The following OPCML variants were observed in gnomAD, a reference collection of about 807,000 sequenced individuals.
The protein encoded by OPCML is opioid-binding protein/cell adhesion molecule.
In OPCML, 13 loss-of-function variants were observed where a neutral mutation model predicts 37.8. The observed-to-expected ratio is 0.34, with a 90% CI of 0.22 to 0.55. The LOEUF (loss-of-function observed/expected upper bound fraction) is 0.55, where lower values mean the gene tolerates loss of function less well. Among genes scored for constraint, OPCML ranks in the 20% least tolerant of loss-of-function variants. The pLI, the probability that OPCML is intolerant of heterozygous loss-of-function variation, is 0.91. For missense variants in OPCML, 341 were observed against 435.6 expected (o/e 0.78, Z 1.93); for synonymous variants, 176 against 168.8 (o/e 1.04, Z -0.33).
At chr11:133,017,617 G>A (rs1033379630) in intron 1 of OPCML, among the ~76,000 whole-genome samples, 1 of 152,098 alleles carries the variant, frequency 6.6e-6, no homozygotes, top group Non-Finnish European at 1.5e-5. Context: ...TCGAACTCCC[G>A]ATCTCAGGTG....
intron 1 of OPCML, among the ~76,000 whole-genome samples, chr11:133,146,608 T>C (rs1949901237): frequency 6.6e-6 from 1 of 151,878 alleles, no homozygotes; most frequent in African/African-American, 2.4e-5. Context: ...CCAACGTGCC[T>C]GGCCATGCTA....
intron 1 of OPCML, among the ~76,000 whole-genome samples, chr11:133,057,425 T>A (rs2136980107): frequency 6.6e-6 from 1 of 152,276 alleles, no homozygotes; most frequent in East Asian, 1.9e-4. Context: ...GTCTCTGCCC[T>A]TCCTGTCCTG....
chr11:133,262,700 C>A (rs1941531910), intron 1 of OPCML, among the ~76,000 whole-genome samples: 1 of 152,132 alleles, frequency 6.6e-6, no homozygotes, highest in African/African-American at 2.4e-5. Context: ...TTCTGGCAAG[C>A]TCTTTGATGT....
At chr11:133,135,744 G>T (rs1949679691) in intron 1 of OPCML, among the ~76,000 whole-genome samples, 1 of 152,166 alleles carries the variant, frequency 6.6e-6, no homozygotes, top group Non-Finnish European at 1.5e-5. Context: ...CTATGTGCAG[G>T]ATCCTCAAAG....
At chr11:132,544,220 G>GA (rs138080916) in intron 3 of OPCML, among the ~76,000 whole-genome samples, 10,693 of 148,446 alleles carry the variant, frequency 0.072, 504 homozygotes, top group Non-Finnish European at 0.11. Flanking sequence ...TAAAGCACGT[G>GA]AAAAAAAAAA....
chr11:133,095,768 G>C (rs1041214158), intron 1 of OPCML, among the ~76,000 whole-genome samples: 1 of 151,374 alleles, frequency 6.6e-6, no homozygotes, highest in African/African-American at 2.4e-5. Flanking sequence ...AATTGCATCT[G>C]ACTTCTCAGA....
intron 1 of OPCML, among the ~76,000 whole-genome samples, chr11:133,106,038 T>TG (rs1949152891): frequency 3.3e-5 from 5 of 152,068 alleles, no homozygotes. Context: ...GTATGTTCAA[T>TG]GGTGCCATTT....
chr11:133,013,179 G>C (rs1156384142), intron 1 of OPCML, among the ~76,000 whole-genome samples: 1 of 152,180 alleles, frequency 6.6e-6, no homozygotes, highest in Admixed American at 6.5e-5. Flanking sequence ...TGTGGGCTCT[G>C]TTTTACAGAG....
chr11:133,005,460 G>A, intron 1 of OPCML: 1 of 985,276 alleles, frequency 1.0e-6, no homozygotes, highest in South Asian at 4.7e-5. Context: ...CAGCTCTTAG[G>A]TACTAGTTTT....
chr11:132,425,678 G>A (rs931655110), intron 7 of OPCML, among the ~76,000 whole-genome samples: 1 of 152,206 alleles, frequency 6.6e-6, no homozygotes, highest in African/African-American at 2.4e-5. Flanking sequence ...AGGTGTTCTA[G>A]AATACTAGGT....
chr11:132,508,158 G>C (rs775345167), intron 4 of OPCML, among the ~76,000 whole-genome samples: 4 of 152,066 alleles, frequency 2.6e-5, no homozygotes, highest in Non-Finnish European at 4.4e-5. Context: ...TTTGGAATAC[G>C]TTGATATCAG....
chr11:133,452,377 T>A (rs1025204487), intron 1 of OPCML, among the ~76,000 whole-genome samples: 1 of 151,642 alleles, frequency 6.6e-6, no homozygotes, highest in Non-Finnish European at 1.5e-5. Flanking sequence ...TTAAAAATAG[T>A]TCTTTTAAGA....
At chr11:133,440,815 T>A (rs1311135061) in intron 1 of OPCML, among the ~76,000 whole-genome samples, 1 of 70,294 alleles carries the variant, frequency 1.4e-5, no homozygotes, top group African/African-American at 4.1e-4. Flanking sequence ...TGTGTATGTG[T>A]ATATATATAT....
chr11:133,293,898 AC>A (rs1555132941), intron 1 of OPCML, among the ~76,000 whole-genome samples: 41,544 of 142,684 alleles, frequency 0.29, 7,164 homozygotes, highest in Non-Finnish European at 0.38. Flanking sequence ...AAGACTTCAC[AC>A]ACACACACAC....
At chr11:132,621,355 G>A (rs1939396447) in intron 3 of OPCML, among the ~76,000 whole-genome samples, 1 of 152,136 alleles carries the variant, frequency 6.6e-6, no homozygotes, top group Non-Finnish European at 1.5e-5. Context: ...GAATAAAAAT[G>A]TTCAGAGCAA....
rs185223586 is a variant in OPCML, at chr11:133,056,865, C to T, written c.62-113855G>A. On this transcript the variant is annotated intron_variant, in intron 1 of 7. Coordinates refer to ENST00000524381, the MANE Select transcript of OPCML (RefSeq NM_001012393.5). Reference sequence around the variant, plus strand: ...TTTATTTAATTTATTTATTTTGAGACGGAATTTTGCTCTTGTTGCCCAGGC... The same window carrying T: ...TTTATTTAATTTATTTATTTTGAGATGGAATTTTGCTCTTGTTGCCCAGGC... Among the ~76,000 whole-genome samples the T allele has an allele frequency of 1.4e-3, 210 of 152,178 alleles. 1 individual carries two copies. Among genetic ancestry groups the T allele is most frequent in the African/African-American group, 4.4e-3 (184 of 41,508 alleles).
At chr11:132,544,919 G>A (rs2096365468) in intron 3 of OPCML, among the ~76,000 whole-genome samples, 1 of 152,144 alleles carries the variant, frequency 6.6e-6, no homozygotes, top group African/African-American at 2.4e-5. Flanking sequence ...GAGAAGGAAA[G>A]GACCGCCCCA....
intron 2 of OPCML, among the ~76,000 whole-genome samples, chr11:132,676,954 T>G (rs1019811354): frequency 6.6e-6 from 1 of 152,056 alleles, no homozygotes; most frequent in African/African-American, 2.4e-5. Flanking sequence ...CCAAACTGTC[T>G]TTGTTCACAT....
At chr11:133,496,855 G>A (rs1272854473) in intron 1 of OPCML, among the ~76,000 whole-genome samples, 1 of 152,210 alleles carries the variant, frequency 6.6e-6, no homozygotes, top group African/African-American at 2.4e-5. Flanking sequence ...AACAGGGACA[G>A]TTTGACTTCC....
Sources: allele counts gnomAD v4.1 joint callset (sites outside exome capture counted in the v4.1 genomes callset), GRCh38; gene constraint gnomAD v4.1.1; transcripts MANE v1.5; gene names NCBI Gene and HGNC (gene_info 2026-07-23, HGNC 2026-07-21).